The following SLC16A12 variants were observed in gnomAD, a reference collection of about 807,000 sequenced individuals.
SLC16A12 encodes the protein monocarboxylate transporter 12.
Under a neutral mutation model 42.4 loss-of-function variants are expected in SLC16A12, and 17 were observed. The ratio of observed to expected loss-of-function variants is 0.40; its 90% CI spans 0.27 to 0.60. The LOEUF is 0.60. Ranked by LOEUF, SLC16A12 falls within the 20% of genes least tolerant of loss-of-function variation. SLC16A12 has a pLI of 0.42. For missense variants in SLC16A12, 544 were observed against 623.0 expected (o/e 0.87, Z 1.35); for synonymous variants, 224 against 229.4 (o/e 0.98, Z 0.21).
chr10:89,532,498 T>C (rs1843571105), intron 2 of SLC16A12, among the ~76,000 whole-genome samples: 1 of 152,192 alleles, frequency 6.6e-6, no homozygotes, highest in Admixed American at 6.5e-5. Context: ...GTGTATTTAG[T>C]TTTCATCAAT....
chr10:89,459,084 T>C (rs376883345), intron 3 of SLC16A12, among the ~76,000 whole-genome samples: 3 of 152,236 alleles, frequency 2.0e-5, no homozygotes, highest in African/African-American at 7.2e-5. Flanking sequence ...ATTTTTCCTA[T>C]GGAAGAATTT....
intron 3 of SLC16A12, among the ~76,000 whole-genome samples, chr10:89,446,239 T>C (rs1841999461): frequency 6.6e-6 from 1 of 151,944 alleles, no homozygotes; most frequent in African/African-American, 2.4e-5. Flanking sequence ...AACATTCAAA[T>C]TCAGGAAATA....
At chr10:89,457,380 C>A (rs934769825) in intron 3 of SLC16A12, among the ~76,000 whole-genome samples, 2 of 152,128 alleles carry the variant, frequency 1.3e-5, no homozygotes, top group African/African-American at 4.8e-5. Flanking sequence ...ATGAAAAAAG[C>A]TCAACATCAC....
At chr10:89,517,221 T>C (rs1843268237) in intron 2 of SLC16A12, among the ~76,000 whole-genome samples, 1 of 152,132 alleles carries the variant, frequency 6.6e-6, no homozygotes, top group East Asian at 1.9e-4. Flanking sequence ...TGAAACTCCA[T>C]CTCAAAAGAA....
intron 2 of SLC16A12, among the ~76,000 whole-genome samples, chr10:89,518,983 A>G (rs1178618881): frequency 6.6e-6 from 1 of 152,202 alleles, no homozygotes; most frequent in Non-Finnish European, 1.5e-5. Context: ...CACAACTATG[A>G]TATTTTAAAA....
At position 89,438,768 on chromosome 10, in the gene SLC16A12, G is replaced by T; in HGVS notation, c.864C>A (p.Val288=). Residue 288 remains valine, a synonymous_variant, in exon 6 of 8, where the codon GTC becomes GTA. Coordinates refer to ENST00000371790, the MANE Select transcript of SLC16A12 (RefSeq NM_213606.4). ...LLMSDFVVLA[V]SVLFMAYGCS... is the part of the protein sequence containing the mutation. ...AGCCATAAGCCATAAACAGAACGGA[G>T]ACGGCTAACACAACAAAGTCTGACA... is the stretch of plus-strand genomic sequence containing the variant. 1 of 1,614,158 alleles carries T rather than the reference G, an allele frequency of 6.2e-7. No homozygotes were observed. The highest frequency in any genetic ancestry group is 8.5e-7 in the Non-Finnish European group (1 of 1,180,028).
intron 2 of SLC16A12, among the ~76,000 whole-genome samples, chr10:89,469,609 A>G (rs1358547661): frequency 6.6e-6 from 1 of 152,028 alleles, no homozygotes; most frequent in Non-Finnish European, 1.5e-5. Context: ...GACTCCTTCT[A>G]TTTCCTTCAC....
intron 2 of SLC16A12, among the ~76,000 whole-genome samples, chr10:89,502,612 A>G (rs1843005015): frequency 6.6e-6 from 1 of 152,196 alleles, no homozygotes; most frequent in Non-Finnish European, 1.5e-5. Flanking sequence ...CTGGACAGCT[A>G]TCAAAACTGT....
At position 89,514,814 on chromosome 10, in the gene SLC16A12, G is replaced by A. The variant is rs566441143; in HGVS notation, c.-47+19687C>T. On this transcript the variant is annotated intron_variant, in intron 2 of 7. Coordinates refer to ENST00000371790, the MANE Select transcript of SLC16A12 (RefSeq NM_213606.4). ...TGAAAAGGAGCGGGCCGGGTGCGCGGGTGCAGTGGCTCATGCCTGTAATCC... is the reference window on the plus strand; with the variant it reads ...TGAAAAGGAGCGGGCCGGGTGCGCGAGTGCAGTGGCTCATGCCTGTAATCC... Among the ~76,000 whole-genome samples, 142 of 152,312 alleles carry A rather than the reference G, an allele frequency of 9.3e-4. 1 individual carries two copies. Among genetic ancestry groups the A allele is most frequent in the African/African-American group, 3.3e-3 (137 of 41,578 alleles).
intron 4 of SLC16A12, 123 bp downstream of exon 4, chr10:89,443,633 C>T: frequency 1.3e-6 from 1 of 760,152 alleles, no homozygotes; most frequent in Non-Finnish European, 2.3e-6. Flanking sequence ...TTATATAGTC[C>T]TAGCCAGTTT....
intron 2 of SLC16A12, among the ~76,000 whole-genome samples, chr10:89,487,332 C>G (rs1243349314): frequency 6.6e-6 from 1 of 151,714 alleles, no homozygotes; most frequent in Non-Finnish European, 1.5e-5. Flanking sequence ...ACTAAAAAGT[C>G]AAAAAACAAC....
In SLC16A12 at chr10:89,549,814, G is replaced by C. The variant is rs577584164; in HGVS notation, c.-47+6068C>G. ...TATTCAGCAGCCAGCATTGTAACAA[G>C]CTTTGCAAGTGGCTCAGCATCCTAA... On this transcript the variant is annotated intron_variant, in intron 2 of 2. Transcript: ENST00000475682. Among the ~76,000 whole-genome samples, 10 of 152,264 alleles carry C rather than the reference G, an allele frequency of 6.6e-5. No homozygotes were observed. In the South Asian group the frequency reaches 2.1e-3, roughly 32 times the overall value.
intron 2 of SLC16A12, among the ~76,000 whole-genome samples, chr10:89,544,037 T>C (rs541337213): frequency 6.6e-6 from 1 of 152,340 alleles, no homozygotes; most frequent in South Asian, 2.1e-4. Flanking sequence ...GAGTAAATGT[T>C]CACCGTATAA....
chr10:89,473,287 C>T (rs144411030), intron 2 of SLC16A12, among the ~76,000 whole-genome samples: 73 of 152,232 alleles, frequency 4.8e-4, no homozygotes, highest in African/African-American at 1.4e-3. Context: ...GTAATCAAAA[C>T]AGTGTGATAT....
chr10:89,533,442 G>A (rs1843591954), intron 2 of SLC16A12, among the ~76,000 whole-genome samples: 1 of 152,120 alleles, frequency 6.6e-6, no homozygotes, highest in African/African-American at 2.4e-5. Context: ...GAACTAAATT[G>A]AAAAATATGC....
At chr10:89,474,932 A>G (rs1371808658) in intron 2 of SLC16A12, among the ~76,000 whole-genome samples, 1 of 152,108 alleles carries the variant, frequency 6.6e-6, no homozygotes, top group Non-Finnish European at 1.5e-5. Flanking sequence ...ACCGCAAACC[A>G]TTGCCTCTCC....
chr10:89,500,054 T>G (rs967791080), intron 2 of SLC16A12, among the ~76,000 whole-genome samples: 1 of 152,088 alleles, frequency 6.6e-6, no homozygotes, highest in Admixed American at 6.5e-5. Context: ...CTAGAGGAGA[T>G]GGATAAATTC....
chr10:89,508,163 A>G (rs1843098529), intron 2 of SLC16A12, among the ~76,000 whole-genome samples: 1 of 152,194 alleles, frequency 6.6e-6, no homozygotes, highest in Non-Finnish European at 1.5e-5. Flanking sequence ...TATTAGACAG[A>G]TCAATGAGAC....
intron 3 of SLC16A12, among the ~76,000 whole-genome samples, chr10:89,445,948 T>G (rs1841993295): frequency 6.6e-6 from 1 of 152,084 alleles, no homozygotes; most frequent in African/African-American, 2.4e-5. Flanking sequence ...GTATGAGAAC[T>G]ACGTGACGCA....
Sources: gnomAD v4.1 joint callset for allele counts (sites outside exome capture counted in the v4.1 genomes callset) on GRCh38, gnomAD v4.1.1 for gene constraint, MANE v1.5 for transcripts, NCBI Gene and HGNC (gene_info 2026-07-23, HGNC 2026-07-21) for gene names.